Variants in GASK1B observed in about 807,000 individuals in gnomAD.
GASK1B encodes the protein golgi associated kinase 1B, also known as Golgi-associated kinase 1B.
GASK1B carries 34 observed loss-of-function variants against 42.8 expected under a neutral mutation model. The observed-to-expected ratio is 0.79, with a 90% CI of 0.60 to 1.06. The LOEUF (loss-of-function observed/expected upper bound fraction) is 1.06, where lower values mean the gene tolerates loss of function less well. Among genes scored for constraint, GASK1B ranks in the 50% least tolerant of loss-of-function variants. GASK1B has a pLI of 0.00. For missense variants in GASK1B, 686 were observed against 661.0 expected (o/e 1.04, Z -0.42); for synonymous variants, 262 against 259.1 (o/e 1.01, Z -0.11).
In GASK1B at chr4:158,126,367, G is replaced by A. The variant is rs984053526; in HGVS notation, c.*1040C>T. 1.3e-5 allele frequency: 2 copies of A among 152,020 alleles called. No individual in the cohort carries two copies. Among genetic ancestry groups the A allele is most frequent in the South Asian group, 2.1e-4 (1 of 4,824 alleles). The allele number at this position is 152,020 out of a possible 1,614,324, so 9.4% of individuals were successfully genotyped here. A position where few individuals can be genotyped will look rare whatever the true frequency, so the allele number is the denominator to read the frequency against. On this transcript the variant is annotated 3_prime_UTR_variant, in exon 5 of 5. Coordinates refer to ENST00000585682, the MANE Select transcript of GASK1B (RefSeq NM_001128424.2). ...TAGTCATGAGGAAAATTGATCAGAC[G>A]CAGGTTTTAACTTATTTTGCTCATA...
chr4:158,132,413 C>T (rs1470708039), intron 3 of GASK1B, among the ~76,000 whole-genome samples: 1 of 152,186 alleles, frequency 6.6e-6, no homozygotes, highest in African/African-American at 2.4e-5. Flanking sequence ...ATTTATCCAA[C>T]AAACAGTTAT....
At position 158,134,896 on chromosome 4, in the gene GASK1B, C is replaced by T. The variant is rs374587294; in HGVS notation, c.1126-3884G>A. Among the ~76,000 whole-genome samples, 26 of 152,298 alleles carry T rather than the reference C, an allele frequency of 1.7e-4. No individual in the cohort carries two copies. In the East Asian group the frequency reaches 4.2e-3, roughly 25 times the overall value. ...GCAGAAACCTAAAGATGTTCCAACCCTATGCACACTACCCACACCAGCTAT... is the reference window on the plus strand; with the variant it reads ...GCAGAAACCTAAAGATGTTCCAACCTTATGCACACTACCCACACCAGCTAT... On this transcript the variant is annotated intron_variant, in intron 3 of 4. Coordinates refer to ENST00000585682, the MANE Select transcript of GASK1B (RefSeq NM_001128424.2).
rs1464870114 is a variant in GASK1B at position 158,126,629 on chromosome 4, G to A, written c.*778C>T. On this transcript the variant is annotated 3_prime_UTR_variant, in exon 5 of 5. Transcript: ENST00000585682. ...ATGATACTCTGTAAGTACATTTTCA[G>A]ATAGGTAACTTCATACTTTAGAATT... 6.6e-6 allele frequency: 1 copy of A among 151,954 alleles called. No homozygotes were observed. The highest frequency in any genetic ancestry group is 1.5e-5 in the Non-Finnish European group (1 of 67,966). 9.4% of individuals were successfully genotyped at this position (151,954 alleles called of 1,614,324 possible). A position where few individuals can be genotyped will look rare whatever the true frequency, so the allele number is the denominator to read the frequency against.
At chr4:158,171,689 C>T (rs1323365376) in intron 1 of GASK1B, 90 bp from the exon 2 acceptor site, 1 of 244,914 alleles carries the variant, frequency 4.1e-6, no homozygotes, top group Non-Finnish European at 7.7e-6. Context: ...GTAATCATTT[C>T]CTTTCATAAA....
intron 3 of GASK1B, among the ~76,000 whole-genome samples, chr4:158,132,336 G>A (rs1021436210): frequency 6.6e-6 from 1 of 152,110 alleles, no homozygotes; most frequent in Non-Finnish European, 1.5e-5. Flanking sequence ...TAGGAGACCA[G>A]CTGCTTAGAA....
At chr4:158,134,896 C>A (rs374587294) in intron 3 of GASK1B, among the ~76,000 whole-genome samples, 1 of 152,180 alleles carries the variant, frequency 6.6e-6, no homozygotes, top group African/African-American at 2.4e-5. Flanking sequence ...TGTTCCAACC[C>A]TATGCACACT....
In GASK1B at chr4:158,149,923, C is replaced by CT. The variant is rs745441423; in HGVS notation, c.1125+5687dup. On this transcript the variant is annotated intron_variant, in intron 3 of 4. Transcript: ENST00000585682. ...ATCTTAGATTTTGTTCTGCATGCTGCTTTTTTTTTTTTTTTTTTTGAGACG... is the reference window on the plus strand; with the variant it reads ...ATCTTAGATTTTGTTCTGCATGCTGCTTTTTTTTTTTTTTTTTTTTGAGACG... Among the ~76,000 whole-genome samples, 234 of 67,162 alleles carry CT rather than the reference C, an allele frequency of 3.5e-3. 35 individuals carry two copies. The highest frequency in any genetic ancestry group is 0.013 in the African/African-American group (218 of 16,300). The allele number at this position is 67,162 out of a possible 152,430, so 44.1% of individuals were successfully genotyped here.
In GASK1B at chr4:158,141,597, C is replaced by CT. The variant is rs199530247; in HGVS notation, c.1126-10586dup. Among the ~76,000 whole-genome samples the CT allele has an allele frequency of 8.9e-3, 1,010 of 113,666 alleles. 44 individuals are homozygous for CT. The highest frequency in any genetic ancestry group is 0.025 in the African/African-American group (732 of 28,928). 74.6% of individuals were successfully genotyped at this position (113,666 alleles called of 152,430 possible). Reference sequence around the variant, plus strand: ...CATAGGTCAGTGCCTTTGTATTTACCTTTTTTTTTTTTTTTTTTTTTTTTT... The same window carrying CT: ...CATAGGTCAGTGCCTTTGTATTTACCTTTTTTTTTTTTTTTTTTTTTTTTTT... On this transcript the variant is annotated intron_variant, in intron 3 of 4. Transcript: ENST00000585682.
chr4:158,164,104 T>C (rs1450192535), intron 2 of GASK1B, among the ~76,000 whole-genome samples: 1 of 152,116 alleles, frequency 6.6e-6, no homozygotes, highest in South Asian at 2.1e-4. Context: ...GAAGATTTCC[T>C]CCAGAACACT....
At chr4:158,134,252 A>T (rs1553958109) in intron 3 of GASK1B, among the ~76,000 whole-genome samples, 1 of 152,232 alleles carries the variant, frequency 6.6e-6, no homozygotes, top group Non-Finnish European at 1.5e-5. Flanking sequence ...CTTTTAAGAC[A>T]GCTTATCTAA....
At position 158,127,490 on chromosome 4, in the gene GASK1B, T is replaced by C; in HGVS notation, c.1477A>G (p.Ile493Val). Residue 493 changes from isoleucine (I) to valine (V), a missense_variant, in exon 5 of 5, where the codon ATC becomes GTC. By Grantham distance (29) the Ile-to-Val change is conservative. Coordinates refer to ENST00000585682, the MANE Select transcript of GASK1B (RefSeq NM_001128424.2). Reference sequence around the variant, plus strand: ...TTGGCTCTGTGTTCTATTACATCGATAAGCTTTTCAATTCCTTGTCTACCT... The same window carrying C: ...TTGGCTCTGTGTTCTATTACATCGACAAGCTTTTCAATTCCTTGTCTACCT... ...QGGRQGIEKL[I>V]DVIEHRAKIL... 6.2e-7 allele frequency: 1 copy of C among 1,613,838 alleles called. No individual in the cohort carries two copies. Among genetic ancestry groups the C allele is most frequent in the South Asian group, 1.1e-5 (1 of 91,080 alleles).
rs774263500 is a variant in GASK1B at position 158,170,644 on chromosome 4, GGCTCCGCTCCTAGAGGAC to G, written c.714_731del (p.Ser239_Ala244del). ...CGCCCCCCTCCAGCACCAGCAAACG[GGCTCCGCTCCTAGAGGAC>G]ACAGGCCGGAGCCCTGCCACTGCGC... is the stretch of plus-strand genomic sequence containing the variant. On this transcript the variant is annotated inframe_deletion, in exon 2 of 5. Coordinates refer to ENST00000585682, the MANE Select transcript of GASK1B (RefSeq NM_001128424.2). 1.9e-6 allele frequency: 3 copies of G among 1,613,806 alleles called. No homozygotes were observed. The highest frequency in any genetic ancestry group is 2.5e-6 in the Non-Finnish European group (3 of 1,180,056).
chr4:158,137,404 A>G (rs1730938531), intron 3 of GASK1B, among the ~76,000 whole-genome samples: 2 of 152,190 alleles, frequency 1.3e-5, no homozygotes, highest in Middle Eastern at 3.2e-3. Context: ...AGGGAAAAAG[A>G]CAGTGAGAAT....
chr4:158,167,424 A>G (rs953243329), intron 2 of GASK1B, among the ~76,000 whole-genome samples: 4 of 152,200 alleles, frequency 2.6e-5, no homozygotes, highest in Non-Finnish European at 4.4e-5. Context: ...TCCACAATGA[A>G]TTCCTTATGA....
intron 2 of GASK1B, among the ~76,000 whole-genome samples, chr4:158,158,520 G>A (rs1731844124): frequency 6.6e-6 from 1 of 152,010 alleles, no homozygotes; most frequent in Admixed American, 6.6e-5. Context: ...TGTAGAGTTT[G>A]TCATAATTAT....
Position 158,132,716 on chromosome 4 carries a change from C to T in GASK1B, c.1126-1704G>A, listed in dbSNP as rs560502210. ...GCTGGTCACATGTGTGGCAAGCGAG[C>T]GACCAAGCATTTGCACCAGTCAAAG... is the stretch of plus-strand genomic sequence containing the variant. On this transcript the variant is annotated intron_variant, in intron 3 of 4. Transcript: ENST00000585682. 2.7e-4 allele frequency among the ~76,000 whole-genome samples: 41 copies of T among 152,226 alleles called. No individual in the cohort carries two copies. The East Asian group carries it at 4.6e-3, about 17-fold the overall frequency.
At chr4:158,141,735 T>A (rs1731132224) in intron 3 of GASK1B, among the ~76,000 whole-genome samples, 2 of 146,322 alleles carry the variant, frequency 1.4e-5, no homozygotes, top group African/African-American at 5.1e-5. Flanking sequence ...GCTTCCCGAG[T>A]AGCTGGGACT....
chr4:158,152,886 C>T (rs1579033973), intron 3 of GASK1B, among the ~76,000 whole-genome samples: 1 of 152,168 alleles, frequency 6.6e-6, no homozygotes, highest in Non-Finnish European at 1.5e-5. Context: ...AAACCCACAG[C>T]CAACATTACA....
At chr4:158,127,903 T>A (rs1386717721) in intron 4 of GASK1B, among the ~76,000 whole-genome samples, 1 of 152,150 alleles carries the variant, frequency 6.6e-6, no homozygotes, top group Non-Finnish European at 1.5e-5. Context: ...AAGGATTCTA[T>A]TAGATTGGCA....
Sources: gnomAD v4.1 joint callset for allele counts (sites outside exome capture counted in the v4.1 genomes callset) on GRCh38, gnomAD v4.1.1 for gene constraint, MANE v1.5 for transcripts, NCBI Gene and HGNC (gene_info 2026-07-23, HGNC 2026-07-21) for gene names.